XNDC1N: variants seen among roughly 807,000 people sequenced by gnomAD.
XNDC1N encodes XRCC1 N-terminal domain containing 1, N-terminal like, also known as protein XNDC1N.
chr11:71,898,360 A>G, the XNDC1N span, among the ~76,000 whole-genome samples: 4 of 152,100 alleles, frequency 2.6e-5, no homozygotes, highest in African/African-American at 9.7e-5. Context: ...TAACCCCAGC[A>G]CTTTGGGAGG....
chr11:71,920,247 C>G, the XNDC1N span, among the ~76,000 whole-genome samples: 3,850 of 151,980 alleles, frequency 0.025, 51 homozygotes, highest in East Asian at 0.075. Context: ...CGTGAGCCAC[C>G]GTGCCCGGCC....
the XNDC1N span, among the ~76,000 whole-genome samples, chr11:71,901,968 C>T: frequency 1.4e-4 from 22 of 152,076 alleles, no homozygotes; most frequent in African/African-American, 5.3e-4. Flanking sequence ...TTCTGCTTTC[C>T]CTGCATTCCA....
the XNDC1N span, among the ~76,000 whole-genome samples, chr11:71,898,817 T>A: frequency 1.3e-5 from 2 of 152,194 alleles, no homozygotes; most frequent in African/African-American, 4.8e-5. Context: ...AATGTGAACG[T>A]ACTTAATGTC....
chr11:71,882,911 GA>G, the XNDC1N span, among the ~76,000 whole-genome samples: 7 of 152,114 alleles, frequency 4.6e-5, no homozygotes, highest in African/African-American at 7.2e-5. Flanking sequence ...TTGCAGGATA[GA>G]AAATCAACCT....
the XNDC1N span, among the ~76,000 whole-genome samples, chr11:71,913,653 C>T: frequency 2.9e-5 from 4 of 137,752 alleles, no homozygotes; most frequent in East Asian, 2.0e-4. Context: ...AGCAAGACTC[C>T]GTCTCAAAAG....
chr11:71,887,165 G>C, the XNDC1N span, among the ~76,000 whole-genome samples: 1 of 152,252 alleles, frequency 6.6e-6, no homozygotes, highest in Admixed American at 6.5e-5. Flanking sequence ...CTTGTAGATA[G>C]CGGTGCTGAA....
At chr11:71,898,713 G>A in the XNDC1N span, among the ~76,000 whole-genome samples, 2 of 152,186 alleles carry the variant, frequency 1.3e-5, no homozygotes, top group Non-Finnish European at 2.9e-5. Flanking sequence ...AGGGGTGGGC[G>A]AGAAAGAGGA....
At chr11:71,887,604 A>C in the XNDC1N span, among the ~76,000 whole-genome samples, 3 of 152,060 alleles carry the variant, frequency 2.0e-5, no homozygotes, top group Admixed American at 6.5e-5. Context: ...AGGCAAAAAC[A>C]GGGGCCGGTC....
the XNDC1N span, among the ~76,000 whole-genome samples, chr11:71,891,841 T>A: frequency 4.6e-5 from 7 of 151,998 alleles, no homozygotes; most frequent in Admixed American, 3.3e-4. Context: ...GGAGTCATGG[T>A]TACTCTTTCA....
At chr11:71,899,558 GT>G in the XNDC1N span, among the ~76,000 whole-genome samples, 2 of 152,212 alleles carry the variant, frequency 1.3e-5, no homozygotes, top group Non-Finnish European at 2.9e-5. Context: ...TGAAATCAAG[GT>G]TTAAGGGATC....
the XNDC1N span, among the ~76,000 whole-genome samples, chr11:71,885,930 C>T: frequency 6.6e-6 from 1 of 150,388 alleles, no homozygotes; most frequent in Admixed American, 6.6e-5. Flanking sequence ...TCATTATTAT[C>T]GGTATTGATT....
the XNDC1N span, among the ~76,000 whole-genome samples, chr11:71,905,087 TA>T: frequency 6.6e-6 from 1 of 152,006 alleles, no homozygotes; most frequent in Non-Finnish European, 1.5e-5. Context: ...ACCGTGATAT[TA>T]GGAGTCCCAT....
chr11:71,897,155 G>T, the XNDC1N span, among the ~76,000 whole-genome samples: 1 of 152,154 alleles, frequency 6.6e-6, no homozygotes, highest in Non-Finnish European at 1.5e-5. Flanking sequence ...ACGCTTTCAT[G>T]ACATCAGATT....
At chr11:71,877,110 G>T in the XNDC1N span, among the ~76,000 whole-genome samples, 4 of 152,218 alleles carry the variant, frequency 2.6e-5, no homozygotes, top group Non-Finnish European at 5.9e-5. Flanking sequence ...CCTGACTCAA[G>T]ATTTCATTTT....
At chr11:71,886,250 T>C in the XNDC1N span, among the ~76,000 whole-genome samples, 1 of 152,086 alleles carries the variant, frequency 6.6e-6, no homozygotes. Context: ...CAAACTGTTA[T>C]CCAGACCCAC....
the XNDC1N span, among the ~76,000 whole-genome samples, chr11:71,924,189 G>A: frequency 6.6e-6 from 1 of 152,082 alleles, no homozygotes; most frequent in Non-Finnish European, 1.5e-5. Context: ...TCCTCTACTA[G>A]ACATCATCAA....
chr11:71,921,749 G>A, the XNDC1N span, among the ~76,000 whole-genome samples: 3 of 152,030 alleles, frequency 2.0e-5, no homozygotes, highest in African/African-American at 7.2e-5. Context: ...GCACAAGTAG[G>A]GAGGACATAC....
At chr11:71,890,839 C>A in the XNDC1N span, among the ~76,000 whole-genome samples, 1 of 149,226 alleles carries the variant, frequency 6.7e-6, no homozygotes, top group East Asian at 2.0e-4. Context: ...GATGTACAGA[C>A]CCTGCGACCT....
the XNDC1N span, among the ~76,000 whole-genome samples, chr11:71,900,262 G>A: frequency 4.2e-3 from 644 of 152,238 alleles, 5 homozygotes; most frequent in Admixed American, 5.9e-3. Context: ...GCTGAGCGCC[G>A]GTCCCCTGGG....
Sources: gnomAD v4.1 joint callset for allele counts (sites outside exome capture counted in the v4.1 genomes callset) on GRCh38, gnomAD v4.1.1 for gene constraint, MANE v1.5 for transcripts, NCBI Gene and HGNC (gene_info 2026-07-23, HGNC 2026-07-21) for gene names.